Variants in PAPPA observed in about 807,000 individuals in gnomAD.
The protein encoded by PAPPA is pappalysin 1, also known as pappalysin-1.
Under a neutral mutation model 164.0 loss-of-function variants are expected in PAPPA, and 60 were observed. That is an observed-to-expected ratio of 0.37 (90% CI 0.30 to 0.45). The LOEUF is 0.45. PAPPA is among the 20% of genes least tolerant of loss of function. The pLI is 1.00. For synonymous variants in PAPPA, 875 were observed against 814.1 expected (o/e 1.07, Z -1.27); for missense variants, 1,782 against 2,087.3 (o/e 0.85, Z 2.85).
intron 10 of PAPPA, among the ~76,000 whole-genome samples, chr9:116,305,805 A>C (rs1845638470): frequency 6.6e-6 from 1 of 152,150 alleles, no homozygotes; most frequent in Admixed American, 6.5e-5. Context: ...CAAAAGTTGG[A>C]AGTGGCTGGA....
chr9:116,304,218 G>A (rs143896842), intron 10 of PAPPA, among the ~76,000 whole-genome samples: 183 of 152,324 alleles, frequency 1.2e-3, no homozygotes, highest in African/African-American at 4.2e-3. Context: ...GGTTCTTTGA[G>A]AACAAGTTTC....
intron 13 of PAPPA, among the ~76,000 whole-genome samples, chr9:116,343,795 T>A (rs1846170039): frequency 7.0e-6 from 1 of 143,876 alleles, no homozygotes. Flanking sequence ...AGTTTCACTC[T>A]TGTTGCCCAG....
At chr9:116,217,093 C>T (rs1008886680) in intron 4 of PAPPA, among the ~76,000 whole-genome samples, 7 of 152,158 alleles carry the variant, frequency 4.6e-5, no homozygotes, top group Non-Finnish European at 8.8e-5. Flanking sequence ...TAGGTTCCAT[C>T]ACCTACCCAT....
rs1348054428 is a variant in PAPPA, at chr9:116,398,580, A to G, written c.*1964A>G. ...GGTGATCAAAAACACTTGAGAAGACATCTATTGGCCATCTCTGGCCAATTA... is the reference window on the plus strand; with the variant it reads ...GGTGATCAAAAACACTTGAGAAGACGTCTATTGGCCATCTCTGGCCAATTA... On this transcript the variant is annotated 3_prime_UTR_variant, in exon 22 of 22. Transcript: ENST00000328252. 7.8e-7 allele frequency: 1 copy of G among 1,274,602 alleles called. No homozygotes were observed. Among genetic ancestry groups the G allele is most frequent in the Non-Finnish European group, 1.0e-6 (1 of 975,566 alleles). The allele number at this position is 1,274,602 out of a possible 1,614,324, so 79.0% of individuals were successfully genotyped here. A position where few individuals can be genotyped will look rare whatever the true frequency, so the allele number is the denominator to read the frequency against.
At chr9:116,372,828 G>T (rs1846592829) in intron 19 of PAPPA, among the ~76,000 whole-genome samples, 1 of 152,134 alleles carries the variant, frequency 6.6e-6, no homozygotes, top group Admixed American at 6.5e-5. Flanking sequence ...TTCTATATAT[G>T]CCATTTCATT....
rs187209597 is a variant in PAPPA at position 116,191,568 on chromosome 9, T to G, written c.1478+3352T>G. ...TTCCTCACCATTAAGGGGCTTCCAC[T>G]TTAGTGGGAAAGTCATATAGAAACA... On this transcript the variant is annotated intron_variant, in intron 2 of 21. Transcript: ENST00000328252. Among the ~76,000 whole-genome samples the G allele has an allele frequency of 6.8e-3, 1,030 of 152,346 alleles. 5 individuals are homozygous for G. Among genetic ancestry groups the G allele is most frequent in the Non-Finnish European group, 0.012 (815 of 68,036 alleles).
chr9:116,206,247 TC>T (rs1844234053), intron 2 of PAPPA, among the ~76,000 whole-genome samples: 1 of 152,150 alleles, frequency 6.6e-6, no homozygotes, highest in Admixed American at 6.5e-5. Flanking sequence ...TATCTCCAAC[TC>T]ATGTTTTTTG....
chr9:116,336,929 T>C (rs1265474463), intron 13 of PAPPA, among the ~76,000 whole-genome samples: 4 of 152,190 alleles, frequency 2.6e-5, no homozygotes, highest in Non-Finnish European at 5.9e-5. Context: ...GAGCCCTTAA[T>C]AGAAAGGAAC....
At chr9:116,217,861 G>A (rs574377993) in intron 4 of PAPPA, among the ~76,000 whole-genome samples, 1 of 152,308 alleles carries the variant, frequency 6.6e-6, no homozygotes, top group African/African-American at 2.4e-5. Flanking sequence ...TCCAGATTCT[G>A]TGTGCACTAA....
chr9:116,157,319 C>T (rs950846984), intron 1 of PAPPA, among the ~76,000 whole-genome samples: 1 of 151,956 alleles, frequency 6.6e-6, no homozygotes, highest in Non-Finnish European at 1.5e-5. Flanking sequence ...GGGGAAGGAG[C>T]GAAGGAGCAG....
intron 4 of PAPPA, 89 bp from the exon 5 acceptor site, chr9:116,219,848 C>A: frequency 8.9e-7 from 1 of 1,126,418 alleles, no homozygotes; most frequent in Non-Finnish European, 1.3e-6. Context: ...TGGGTGCTGA[C>A]TCTTGGGCCG....
At chr9:116,311,056 C>CTT (rs56043415) in intron 10 of PAPPA, among the ~76,000 whole-genome samples, 4 of 120,424 alleles carry the variant, frequency 3.3e-5, no homozygotes, top group African/African-American at 5.9e-5. Context: ...AACATGTGGA[C>CTT]TTTTTTTTTT....
chr9:116,319,925 C>T lies in PAPPA; in HGVS notation c.3148-11319C>T, dbSNP rs770876450. Among the ~76,000 whole-genome samples the T allele has an allele frequency of 8.8e-4, 134 of 152,310 alleles. 1 individual carries two copies. The highest frequency in any genetic ancestry group is 2.1e-3 in the South Asian group (10 of 4,812). ...GAAAACATGTTAGCTTTACCACTTTCATGAATGGTGTCTTAGGCCTCTAAC... is the reference window on the plus strand; with the variant it reads ...GAAAACATGTTAGCTTTACCACTTTTATGAATGGTGTCTTAGGCCTCTAAC... On this transcript the variant is annotated intron_variant, in intron 10 of 21. Coordinates refer to ENST00000328252, the MANE Select transcript of PAPPA (RefSeq NM_002581.5).
chr9:116,288,435 C>T (rs1845369781), intron 9 of PAPPA, among the ~76,000 whole-genome samples: 1 of 136,654 alleles, frequency 7.3e-6, no homozygotes, highest in Non-Finnish European at 1.6e-5. Flanking sequence ...CCCTCCCTCC[C>T]TCCCTCCCTC....
intron 10 of PAPPA, among the ~76,000 whole-genome samples, chr9:116,305,134 G>GACACACACACACACAC (rs57723920): frequency 7.2e-4 from 93 of 129,958 alleles, no homozygotes; most frequent in African/African-American, 2.5e-3. Flanking sequence ...TGGGCACACA[G>GACACACACACACACAC]ACACACACAC....
intron 17 of PAPPA, among the ~76,000 whole-genome samples, chr9:116,357,046 A>T (rs1363474437): frequency 6.6e-6 from 1 of 152,202 alleles, no homozygotes. Flanking sequence ...CATGAGCTTT[A>T]GTCAAACCTG....
At chr9:116,337,708 G>GC (rs1158718526) in intron 13 of PAPPA, among the ~76,000 whole-genome samples, 2 of 132,062 alleles carry the variant, frequency 1.5e-5, no homozygotes, top group East Asian at 2.1e-4. Context: ...TCTCTCCCCC[G>GC]CCCCCCACCT....
intron 9 of PAPPA, among the ~76,000 whole-genome samples, chr9:116,294,129 T>C (rs1256658668): frequency 1.3e-5 from 2 of 152,134 alleles, no homozygotes; most frequent in African/African-American, 4.8e-5. Context: ...TATAGGTGCC[T>C]TCCTTGATGG....
chr9:116,352,636 A>C, intron 15 of PAPPA, 70 bp from the exon 16 acceptor site: 1 of 1,235,346 alleles, frequency 8.1e-7, no homozygotes, highest in Non-Finnish European at 1.2e-6. Context: ...CTAAAATCCA[A>C]GTAGCTATAC....
Sources: allele counts gnomAD v4.1 joint callset (sites outside exome capture counted in the v4.1 genomes callset), GRCh38; gene constraint gnomAD v4.1.1; transcripts MANE v1.5; gene names NCBI Gene and HGNC (gene_info 2026-07-23, HGNC 2026-07-21).